The following ANTXR2 variants were observed in gnomAD, a reference collection of about 807,000 sequenced individuals.
ANTXR2 encodes the protein ANTXR cell adhesion molecule 2.
Under a neutral mutation model 73.7 loss-of-function variants are expected in ANTXR2, and 44 were observed. That is an observed-to-expected ratio of 0.60 (90% CI 0.47 to 0.77). ANTXR2 has a LOEUF of 0.77. Ranked by LOEUF, ANTXR2 falls within the 30% of genes least tolerant of loss-of-function variation. The pLI is 0.00. For synonymous variants in ANTXR2, 217 were observed against 205.9 expected (o/e 1.05, Z -0.46); for missense variants, 604 against 592.5 (o/e 1.02, Z -0.20).
intron 16 of ANTXR2, among the ~76,000 whole-genome samples, chr4:79,912,972 T>C (rs1387256693): frequency 1.3e-5 from 2 of 152,212 alleles, no homozygotes; most frequent in Non-Finnish European, 2.9e-5. Context: ...TCGCATTCTA[T>C]GTTTTACCTT....
chr4:80,059,708 CT>C (rs1458005974), intron 3 of ANTXR2, among the ~76,000 whole-genome samples: 1 of 151,954 alleles, frequency 6.6e-6, no homozygotes, highest in East Asian at 1.9e-4. Context: ...CTATTTGTAT[CT>C]CCCTAATTTC....
chr4:80,029,581 C>T (rs1176970424), intron 10 of ANTXR2, among the ~76,000 whole-genome samples: 2 of 151,778 alleles, frequency 1.3e-5, no homozygotes, highest in East Asian at 1.9e-4. Context: ...CAAGACAAAA[C>T]GTGTCCTAGC....
intron 6 of ANTXR2, among the ~76,000 whole-genome samples, chr4:80,054,760 C>T (rs1297355745): frequency 6.6e-6 from 1 of 151,540 alleles, no homozygotes; most frequent in East Asian, 1.9e-4. Context: ...AATGATCAGA[C>T]TTTCATTAGA....
At chr4:79,987,707 G>A (rs1264575736) in intron 12 of ANTXR2, among the ~76,000 whole-genome samples, 2 of 152,146 alleles carry the variant, frequency 1.3e-5, no homozygotes, top group Admixed American at 6.5e-5. Flanking sequence ...AAATGTTAAA[G>A]GCAGCTACAG....
At chr4:80,017,294 A>G (rs1479826225) in intron 11 of ANTXR2, among the ~76,000 whole-genome samples, 2 of 152,140 alleles carry the variant, frequency 1.3e-5, no homozygotes, top group East Asian at 1.9e-4. Context: ...CTCTGTGTGG[A>G]GCACTATTCC....
chr4:80,038,740 C>A (rs1315152597), intron 7 of ANTXR2, among the ~76,000 whole-genome samples: 1 of 151,916 alleles, frequency 6.6e-6, no homozygotes, highest in Non-Finnish European at 1.5e-5. Flanking sequence ...GTAACACATT[C>A]ATTGAAAAGC....
chr4:79,947,263 G>GA (rs1485299724), intron 16 of ANTXR2, among the ~76,000 whole-genome samples: 2 of 151,998 alleles, frequency 1.3e-5, no homozygotes, highest in African/African-American at 2.4e-5. Flanking sequence ...GAAATTGAAA[G>GA]AAAAAAGTAA....
At chr4:79,932,183 C>T (rs779901965) in intron 16 of ANTXR2, among the ~76,000 whole-genome samples, 3 of 151,986 alleles carry the variant, frequency 2.0e-5, no homozygotes, top group Non-Finnish European at 2.9e-5. Context: ...AGAAAATAAA[C>T]GGATGAATAA....
At chr4:79,956,093 T>C (rs1280388653) in intron 16 of ANTXR2, among the ~76,000 whole-genome samples, 2 of 152,190 alleles carry the variant, frequency 1.3e-5, no homozygotes, top group African/African-American at 4.8e-5. Context: ...CTAAGGTTTC[T>C]TGTGATGTAA....
intron 3 of ANTXR2, among the ~76,000 whole-genome samples, chr4:80,058,228 C>A (rs747345509): frequency 6.6e-6 from 1 of 152,036 alleles, no homozygotes; most frequent in Non-Finnish European, 1.5e-5. Flanking sequence ...ACTTCCCAAA[C>A]GTGGATTCAA....
intron 14 of ANTXR2, among the ~76,000 whole-genome samples, chr4:79,978,491 T>C (rs1289637243): frequency 6.6e-6 from 1 of 152,228 alleles, no homozygotes; most frequent in Non-Finnish European, 1.5e-5. Flanking sequence ...TGACAGTGTG[T>C]AATTTTGTTC....
intron 16 of ANTXR2, among the ~76,000 whole-genome samples, chr4:79,915,862 C>CTCTATATATATATATATATATATA (rs377006532): frequency 1.6e-5 from 2 of 123,874 alleles, no homozygotes; most frequent in African/African-American, 6.1e-5. Context: ...CTCTCTCTCT[C>CTCTATATATATATATATATATATA]TATATATATA....
chr4:80,036,980 A>G (rs766418025), intron 7 of ANTXR2, among the ~76,000 whole-genome samples: 3 of 152,162 alleles, frequency 2.0e-5, no homozygotes, highest in Non-Finnish European at 4.4e-5. Flanking sequence ...TCCATACTCA[A>G]GCATTCCCAG....
chr4:80,024,531 C>T (rs954928505), intron 10 of ANTXR2: 4 of 283,350 alleles, frequency 1.4e-5, no homozygotes, highest in Non-Finnish European at 2.8e-5. Context: ...GAGGCCAAGG[C>T]GGGTGGTTGG....
At chr4:79,936,253 A>G (rs894867861) in intron 16 of ANTXR2, among the ~76,000 whole-genome samples, 1 of 152,220 alleles carries the variant, frequency 6.6e-6, no homozygotes, top group African/African-American at 2.4e-5. Context: ...TCTTATTTGC[A>G]GAATATTTAA....
rs113708959 is a variant in ANTXR2, at chr4:79,977,752, T to C, written c.1348-51A>G. The C allele has an allele frequency of 3.2e-5, 46 of 1,460,210 alleles. 2 individuals carry two copies. Among genetic ancestry groups the C allele is most frequent in the African/African-American group, 8.6e-5 (6 of 70,044 alleles). 90.5% of individuals were successfully genotyped at this position (1,460,210 alleles called of 1,614,324 possible). A position where few individuals can be genotyped will look rare whatever the true frequency, so the allele number is the denominator to read the frequency against. ...TCCCAGAGAATGTACTCAATCTCTA[T>C]GTACTGAATAAATGAAGACATAAAA... is the stretch of plus-strand genomic sequence containing the variant. On this transcript the variant is annotated intron_variant, in intron 15 of 16. Transcript: ENST00000403729.
At chr4:80,012,429 A>G (rs957333362) in intron 11 of ANTXR2, among the ~76,000 whole-genome samples, 1 of 151,990 alleles carries the variant, frequency 6.6e-6, no homozygotes, top group South Asian at 2.1e-4. Flanking sequence ...ACATAGTTTT[A>G]CTGAACACAG....
intron 7 of ANTXR2, among the ~76,000 whole-genome samples, chr4:80,038,125 T>C (rs962596996): frequency 6.6e-6 from 1 of 152,090 alleles, no homozygotes; most frequent in African/African-American, 2.4e-5. Context: ...TCTCTGCAAT[T>C]CCTCAGAATA....
chr4:79,932,887 C>G (rs1728115711), intron 16 of ANTXR2, among the ~76,000 whole-genome samples: 1 of 150,336 alleles, frequency 6.7e-6, no homozygotes, highest in Admixed American at 6.6e-5. Flanking sequence ...AGGGTAGCAA[C>G]TACATTGCAG....
Sources: allele counts gnomAD v4.1 joint callset (sites outside exome capture counted in the v4.1 genomes callset), GRCh38; gene constraint gnomAD v4.1.1; transcripts MANE v1.5; gene names NCBI Gene and HGNC (gene_info 2026-07-23, HGNC 2026-07-21).